Variants in SLCO3A1 observed in about 807,000 individuals in gnomAD.
The protein encoded by SLCO3A1 is solute carrier organic anion transporter family member 3A1, also known as PGE1 transporter.
In SLCO3A1, 27 loss-of-function variants were observed where a neutral mutation model predicts 63.1. The observed-to-expected ratio is 0.43, with a 90% confidence interval of 0.32 to 0.59. SLCO3A1 has a LOEUF of 0.59. SLCO3A1 is among the 20% of genes least tolerant of loss of function. The pLI, the probability that SLCO3A1 is intolerant of heterozygous loss-of-function variation, is 0.09. For synonymous variants in SLCO3A1, 473 were observed against 409.9 expected (o/e 1.15, Z -1.86); for missense variants, 773 against 945.8 (o/e 0.82, Z 2.40).
chr15:91,990,063 C>T (rs1472144533), intron 2 of SLCO3A1, among the ~76,000 whole-genome samples: 2 of 152,170 alleles, frequency 1.3e-5, no homozygotes, highest in African/African-American at 4.8e-5. Flanking sequence ...CACTTCTATC[C>T]TTCGCATACC....
chr15:92,055,084 C>T (rs766874072), intron 2 of SLCO3A1, among the ~76,000 whole-genome samples: 22 of 152,186 alleles, frequency 1.4e-4, no homozygotes, highest in Non-Finnish European at 2.5e-4. Flanking sequence ...TAAAAGCATT[C>T]CTATTCCTGC....
intron 2 of SLCO3A1, among the ~76,000 whole-genome samples, chr15:92,016,729 G>A (rs552836620): frequency 6.6e-6 from 1 of 152,298 alleles, no homozygotes; most frequent in East Asian, 1.9e-4. Flanking sequence ...ACATGAGGAA[G>A]AAGACCACAA....
At chr15:92,149,903 G>A (rs80164577) in intron 8 of SLCO3A1, 1 of 152,156 alleles carries the variant, frequency 6.6e-6, no homozygotes, top group African/African-American at 2.4e-5. Context: ...GCTTTCAAAT[G>A]AAAGTGCAAA....
intron 2 of SLCO3A1, among the ~76,000 whole-genome samples, chr15:92,042,270 A>G (rs1194682120): frequency 2.6e-5 from 4 of 152,236 alleles, no homozygotes; most frequent in African/African-American, 7.2e-5. Context: ...GAGGCTGTGC[A>G]AACCTACTCA....
chr15:92,022,137 A>G, intron 2 of SLCO3A1, among the ~76,000 whole-genome samples: 1 of 152,222 alleles, frequency 6.6e-6, no homozygotes, highest in Non-Finnish European at 1.5e-5. Flanking sequence ...GTAATATTCA[A>G]GTGATACCAG....
intron 2 of SLCO3A1, among the ~76,000 whole-genome samples, chr15:91,964,658 C>T (rs72755606): frequency 0.061 from 9,205 of 152,142 alleles, 399 homozygotes; most frequent in Non-Finnish European, 0.091. Flanking sequence ...AGCTCCGTCC[C>T]ATCTCTGGTA....
At chr15:92,036,997 A>C (rs1389825557) in intron 2 of SLCO3A1, among the ~76,000 whole-genome samples, 1 of 152,184 alleles carries the variant, frequency 6.6e-6, no homozygotes, top group African/African-American at 2.4e-5. Flanking sequence ...ATGAATGCAT[A>C]CTAGGGACTG....
intron 2 of SLCO3A1, among the ~76,000 whole-genome samples, chr15:92,021,886 G>A (rs764807491): frequency 2.6e-5 from 4 of 152,084 alleles, no homozygotes; most frequent in Non-Finnish European, 4.4e-5. Flanking sequence ...CTCCTGTGCC[G>A]TTCCACCCAG....
At chr15:92,097,774 C>T (rs996850865) in intron 3 of SLCO3A1, among the ~76,000 whole-genome samples, 11 of 152,144 alleles carry the variant, frequency 7.2e-5, no homozygotes, top group African/African-American at 2.7e-4. Flanking sequence ...CGGTAGAGGG[C>T]AGAAGAATAT....
chr15:92,171,458 G>T (rs1025269720), intron 10 of SLCO3A1: 2 of 243,688 alleles, frequency 8.2e-6, no homozygotes, highest in African/African-American at 2.2e-5. Flanking sequence ...TCTGTCACTA[G>T]TAATTTACAT....
intron 2 of SLCO3A1, among the ~76,000 whole-genome samples, chr15:91,940,852 G>A (rs1014938711): frequency 2.0e-5 from 3 of 152,178 alleles, no homozygotes; most frequent in Admixed American, 2.0e-4. Flanking sequence ...CTCTGAGCAA[G>A]GTGTCTGCCC....
At chr15:92,034,767 G>T (rs2046702523) in intron 2 of SLCO3A1, among the ~76,000 whole-genome samples, 2 of 152,006 alleles carry the variant, frequency 1.3e-5, no homozygotes, top group Admixed American at 1.3e-4. Flanking sequence ...GTCCCCTCCA[G>T]TGGTGGCATG....
At chr15:92,131,836 T>A (rs1314221820) in intron 7 of SLCO3A1, among the ~76,000 whole-genome samples, 1 of 146,152 alleles carries the variant, frequency 6.8e-6, no homozygotes, top group Non-Finnish European at 1.5e-5. Flanking sequence ...CTCCAGCTCA[T>A]TGCTTCCTCC....
At chr15:91,957,303 T>C (rs1018983502) in intron 2 of SLCO3A1, among the ~76,000 whole-genome samples, 1 of 147,656 alleles carries the variant, frequency 6.8e-6, no homozygotes, top group African/African-American at 2.5e-5. Context: ...AAAACCCTTC[T>C]GTCTCTTCTG....
chr15:91,995,930 G>A (rs1397069968), intron 2 of SLCO3A1, among the ~76,000 whole-genome samples: 2 of 151,968 alleles, frequency 1.3e-5, no homozygotes, highest in East Asian at 3.9e-4. Flanking sequence ...CCAAACACAT[G>A]GTTAATATCA....
chr15:92,011,126 C>T (rs1250248504), intron 2 of SLCO3A1, among the ~76,000 whole-genome samples: 1 of 152,226 alleles, frequency 6.6e-6, no homozygotes, highest in Non-Finnish European at 1.5e-5. Context: ...GCTATAGCAA[C>T]CCCGGACATC....
chr15:91,869,978 A>G (rs1897249947), intron 1 of SLCO3A1, among the ~76,000 whole-genome samples: 1 of 152,086 alleles, frequency 6.6e-6, no homozygotes, highest in South Asian at 2.1e-4. Context: ...TGTTCACAGA[A>G]TTGGGGGAGA....
At chr15:92,060,942 CATT>C (rs1241845371) in intron 2 of SLCO3A1, among the ~76,000 whole-genome samples, 3 of 152,198 alleles carry the variant, frequency 2.0e-5, no homozygotes, top group Non-Finnish European at 4.4e-5. Flanking sequence ...TTTGCAGCTT[CATT>C]ATTATCTTAT....
At chr15:91,966,036 G>T (rs910202108) in intron 2 of SLCO3A1, among the ~76,000 whole-genome samples, 1 of 152,092 alleles carries the variant, frequency 6.6e-6, no homozygotes, top group African/African-American at 2.4e-5. Context: ...GGTTCATTCC[G>T]TGAGTCATCC....
Sources: gnomAD v4.1 joint callset for allele counts (sites outside exome capture counted in the v4.1 genomes callset) on GRCh38, gnomAD v4.1.1 for gene constraint, MANE v1.5 for transcripts, NCBI Gene and HGNC (gene_info 2026-07-23, HGNC 2026-07-21) for gene names.